Variants in SGCZ observed in about 807,000 individuals in gnomAD.
SGCZ encodes zeta-sarcoglycan.
SGCZ carries 40 observed loss-of-function variants against 41.3 expected under a neutral mutation model. The observed-to-expected ratio is 0.97, with a 90% CI of 0.75 to 1.26. SGCZ has a LOEUF of 1.26. Among genes scored for constraint, SGCZ ranks in the 50% most tolerant of loss-of-function variants. The pLI, the probability that SGCZ is intolerant of heterozygous loss-of-function variation, is 0.00. For missense variants in SGCZ, 552 were observed against 369.8 expected (o/e 1.49, Z -4.04); for synonymous variants, 206 against 137.5 (o/e 1.50, Z -3.49).
intron 1 of SGCZ, among the ~76,000 whole-genome samples, chr8:14,717,884 T>A (rs1223984668): frequency 6.6e-6 from 1 of 151,982 alleles, no homozygotes; most frequent in Non-Finnish European, 1.5e-5. Flanking sequence ...TTTCCAAGGT[T>A]ATTTTGTGGA....
At chr8:14,190,377 G>GTATA (rs1204874852) in intron 4 of SGCZ, among the ~76,000 whole-genome samples, 1 of 151,520 alleles carries the variant, frequency 6.6e-6, no homozygotes, top group African/African-American at 2.4e-5. Flanking sequence ...ATGTGTGTGT[G>GTATA]TGTGTATATA....
At chr8:14,618,873 T>C (rs1486805163) in intron 1 of SGCZ, among the ~76,000 whole-genome samples, 1 of 152,072 alleles carries the variant, frequency 6.6e-6, no homozygotes, top group Admixed American at 6.6e-5. Context: ...ACACCAATAT[T>C]TGGCCTAAGC....
intron 7 of SGCZ, among the ~76,000 whole-genome samples, chr8:14,098,544 G>A (rs1801914383): frequency 1.3e-5 from 2 of 152,148 alleles, no homozygotes; most frequent in Non-Finnish European, 1.5e-5. Flanking sequence ...TCAGGAGCTA[G>A]CATGTGTGCA....
chr8:14,452,703 G>A (rs566760914), intron 2 of SGCZ, among the ~76,000 whole-genome samples: 2 of 152,158 alleles, frequency 1.3e-5, no homozygotes, highest in East Asian at 3.9e-4. Flanking sequence ...GAGATAGGGT[G>A]TATATTGGAA....
intron 1 of SGCZ, among the ~76,000 whole-genome samples, chr8:14,758,677 C>A (rs182484246): frequency 2.0e-5 from 3 of 152,040 alleles, no homozygotes; most frequent in Non-Finnish European, 4.4e-5. Context: ...TACATTAAAG[C>A]GAAATTATTT....
intron 1 of SGCZ, among the ~76,000 whole-genome samples, chr8:14,737,186 T>C (rs988921736): frequency 6.7e-6 from 1 of 149,912 alleles, no homozygotes; most frequent in Non-Finnish European, 1.5e-5. Context: ...CATACATATA[T>C]ATATATGTAT....
intron 1 of SGCZ, among the ~76,000 whole-genome samples, chr8:15,048,259 T>C (rs986679787): frequency 1.3e-5 from 2 of 151,930 alleles, no homozygotes; most frequent in Admixed American, 6.6e-5. Flanking sequence ...TTCTTAGCCA[T>C]ATGTGGGAGC....
At chr8:14,415,630 C>G (rs1471340) in intron 2 of SGCZ, among the ~76,000 whole-genome samples, 140,446 of 151,972 alleles carry the variant, frequency 0.92, 64,999 homozygotes, top group Middle Eastern at 0.96. Context: ...ATCAGATCTA[C>G]GCTTAACACT....
chr8:14,408,947 A>C, intron 2 of SGCZ, among the ~76,000 whole-genome samples: 1 of 84,050 alleles, frequency 1.2e-5, no homozygotes, highest in Admixed American at 1.2e-4. Context: ...TTTTTAAATT[A>C]AGAGAGTGTG....
chr8:14,923,842 G>A (rs180751864), intron 1 of SGCZ, among the ~76,000 whole-genome samples: 2 of 152,108 alleles, frequency 1.3e-5, no homozygotes, highest in East Asian at 1.9e-4. Context: ...AATTACAGAC[G>A]TTCAACTGTA....
chr8:15,053,315 G>A (rs112133567), intron 1 of SGCZ, among the ~76,000 whole-genome samples: 124 of 150,290 alleles, frequency 8.3e-4, no homozygotes, highest in Non-Finnish European at 1.3e-3. Flanking sequence ...TGATATAGTC[G>A]TCACTATATC....
chr8:14,755,454 C>A lies in SGCZ; in HGVS notation c.40-200528G>T, dbSNP rs144278474. ...TGGTTTTTCATAAAACGCGGGAAAACTCCCTTGTCTACTCACGATAAGGAA... is the reference window on the plus strand; with the variant it reads ...TGGTTTTTCATAAAACGCGGGAAAAATCCCTTGTCTACTCACGATAAGGAA... On this transcript the variant is annotated intron_variant, in intron 1 of 7. Transcript: ENST00000382080. Among the ~76,000 whole-genome samples the A allele has an allele frequency of 1.2e-4, 18 of 152,136 alleles. No homozygotes were observed. The East Asian group carries it at 3.1e-3, about 26-fold the overall frequency.
intron 5 of SGCZ, among the ~76,000 whole-genome samples, chr8:14,117,253 A>T (rs570338725): frequency 6.6e-6 from 1 of 152,220 alleles, no homozygotes; most frequent in Admixed American, 6.5e-5. Context: ...CAACTTTTAT[A>T]ATCCAGATAT....
rs546401928 is a variant in SGCZ at position 14,378,583 on chromosome 8, G to C, written c.235-54379C>G. Among the ~76,000 whole-genome samples the C allele has an allele frequency of 1.5e-3, 230 of 152,052 alleles. 2 individuals are homozygous for C. Among genetic ancestry groups the C allele is most frequent in the African/African-American group, 4.9e-3 (202 of 41,488 alleles). On this transcript the variant is annotated intron_variant, in intron 2 of 7. Transcript: ENST00000382080. The stretch of plus-strand genomic sequence containing the variant: ...ACAATGAACTCAAACAAATTTACAA[G>C]AAAAAAACAAACAACCCCATCAAAA...
chr8:15,198,422 G>A (rs887572067), intron 1 of SGCZ, among the ~76,000 whole-genome samples: 2 of 151,904 alleles, frequency 1.3e-5, no homozygotes, highest in African/African-American at 4.8e-5. Context: ...CTTTATTCTA[G>A]TCTATCCTAT....
intron 3 of SGCZ, among the ~76,000 whole-genome samples, chr8:14,320,613 A>G (rs935343210): frequency 2.6e-5 from 4 of 152,096 alleles, no homozygotes; most frequent in African/African-American, 9.7e-5. Flanking sequence ...GGTTAACATC[A>G]CAGTGAAAGG....
intron 1 of SGCZ, among the ~76,000 whole-genome samples, chr8:14,813,455 T>G (rs533954465): frequency 6.6e-6 from 1 of 152,182 alleles, no homozygotes; most frequent in Non-Finnish European, 1.5e-5. Context: ...TCTGATAAAT[T>G]GTTCGTTACA....
intron 3 of SGCZ, among the ~76,000 whole-genome samples, chr8:14,295,755 CGCCA>C (rs1800988523): frequency 6.6e-6 from 1 of 152,060 alleles, no homozygotes; most frequent in African/African-American, 2.4e-5. Context: ...AGAATGTGAA[CGCCA>C]AACACAGAGC....
chr8:14,537,322 T>A (rs150928399), intron 2 of SGCZ, among the ~76,000 whole-genome samples: 150 of 152,014 alleles, frequency 9.9e-4, no homozygotes, highest in African/African-American at 3.3e-3. Context: ...TCATTGCATA[T>A]CTCTGTCTAA....
Sources: gnomAD v4.1 joint callset for allele counts (sites outside exome capture counted in the v4.1 genomes callset) on GRCh38, gnomAD v4.1.1 for gene constraint, MANE v1.5 for transcripts, NCBI Gene and HGNC (gene_info 2026-07-23, HGNC 2026-07-21) for gene names.